The following ATL1 variants were observed in gnomAD, a reference collection of about 807,000 sequenced individuals.
The protein encoded by ATL1 is atlastin-1.
A neutral mutation model predicts 75.5 loss-of-function variants in ATL1; 31 were observed. The ratio of observed to expected loss-of-function variants is 0.41; its 90% CI spans 0.31 to 0.55. The LOEUF (loss-of-function observed/expected upper bound fraction) is 0.55. ATL1 is among the 20% of genes least tolerant of loss of function. The pLI is 0.27. For synonymous variants in ATL1, 226 were observed against 233.3 expected, an observed-to-expected ratio of 0.97 and a Z score of 0.28; for missense variants, 405 against 662.6, an observed-to-expected ratio of 0.61 and a Z score of 4.27.
chr14:50,608,047 AT>A (rs1211327356), intron 6 of ATL1, among the ~76,000 whole-genome samples: 3 of 152,092 alleles, frequency 2.0e-5, no homozygotes, highest in Non-Finnish European at 2.9e-5. Flanking sequence ...TTAGATGATT[AT>A]TTCATTTGTA....
intron 1 of ATL1, among the ~76,000 whole-genome samples, chr14:50,586,900 C>T (rs142103580): frequency 1.6e-3 from 239 of 152,072 alleles, no homozygotes; most frequent in Admixed American, 3.3e-3. Flanking sequence ...TAATAAATAC[C>T]GTACTGGAAC....
chr14:50,627,944 AAACTC>A (rs2039537214), intron 11 of ATL1, 82 bp from the exon 12 acceptor site: 2 of 1,294,154 alleles, frequency 1.5e-6, no homozygotes, highest in African/African-American at 1.5e-5. Flanking sequence ...GTATTCTAAC[AAACTC>A]AACTAGCTAA....
intron 10 of ATL1, among the ~76,000 whole-genome samples, chr14:50,622,908 C>T (rs1192675951): frequency 6.6e-6 from 1 of 151,952 alleles, no homozygotes; most frequent in African/African-American, 2.4e-5. Context: ...TAATGGCAGG[C>T]TAAAAAATAT....
intron 11 of ATL1, 106 bp from the exon 12 acceptor site, chr14:50,627,925 A>T: frequency 5.7e-6 from 6 of 1,052,362 alleles, no homozygotes; most frequent in Non-Finnish European, 8.6e-6. Flanking sequence ...CAGGCTCCTG[A>T]TTATTAACGT....
rs1205011158 is a variant in ATL1, at chr14:50,632,110, TAAA to T, written c.1567-115_1567-113del. 11 of 620,144 alleles carry T rather than the reference TAAA, an allele frequency of 1.8e-5. No homozygotes were observed. The Middle Eastern group carries it at 1.8e-3, about 99-fold the overall frequency. The allele number at this position is 620,144 out of a possible 1,614,324, so 38.4% of individuals were successfully genotyped here. A position where few individuals can be genotyped will look rare whatever the true frequency, so the allele number is the denominator to read the frequency against. On this transcript the variant is annotated intron_variant, in intron 13 of 13. Transcript: ENST00000358385. The stretch of plus-strand genomic sequence containing the variant: ...TTAAGATAATAATTTATATATCGAT[TAAA>T]AAAGATTTCAAATTCAACATGCTAA...
chr14:50,551,037 G>C (rs1298289667), intron 1 of ATL1, among the ~76,000 whole-genome samples: 2 of 151,788 alleles, frequency 1.3e-5, no homozygotes, highest in Non-Finnish European at 2.9e-5. Flanking sequence ...GATCACAGCA[G>C]AAACTAAATG....
At chr14:50,547,894 A>G (rs2038653745) in intron 1 of ATL1, among the ~76,000 whole-genome samples, 2 of 152,206 alleles carry the variant, frequency 1.3e-5, no homozygotes, top group African/African-American at 4.8e-5. Context: ...TACCAAAAGG[A>G]TACCTGCACA....
chr14:50,583,160 T>C (rs2039072737), intron 1 of ATL1, among the ~76,000 whole-genome samples: 2 of 152,180 alleles, frequency 1.3e-5, no homozygotes, highest in Non-Finnish European at 2.9e-5. Context: ...AATCAGGAAG[T>C]TATGCCTACT....
In ATL1 at chr14:50,560,171, C is replaced by A; in HGVS notation, c.-95C>A. The A allele has an allele frequency of 6.8e-7, 1 of 1,470,694 alleles. No individual in the cohort carries two copies. Among genetic ancestry groups the A allele is most frequent in the South Asian group, 1.2e-5 (1 of 84,920 alleles). 91.1% of individuals were successfully genotyped at this position (1,470,694 alleles called of 1,614,324 possible). A position where few individuals can be genotyped will look rare whatever the true frequency, so the allele number is the denominator to read the frequency against. On this transcript the variant is annotated 5_prime_UTR_variant, in exon 1 of 14. Transcript: ENST00000358385. ...GAGTCTGAGCGAACTGCGCCCAGCGCGGGCACGGAGCCTCCCACCGCCAGC... is the reference window on the plus strand; with the variant it reads ...GAGTCTGAGCGAACTGCGCCCAGCGAGGGCACGGAGCCTCCCACCGCCAGC...
chr14:50,607,284 A>G (rs1170531634), intron 6 of ATL1, among the ~76,000 whole-genome samples: 5 of 152,104 alleles, frequency 3.3e-5, no homozygotes, highest in African/African-American at 1.2e-4. Context: ...ACTTAAAAAA[A>G]CAAAGCTAAA....
intron 2 of ATL1, 41 bp downstream of exon 2, chr14:50,588,119 C>A: frequency 6.2e-7 from 1 of 1,611,414 alleles, no homozygotes. Flanking sequence ...TTCTTCTGTG[C>A]TTCTGTCACT....
intron 8 of ATL1, among the ~76,000 whole-genome samples, chr14:50,618,894 T>A (rs2018784): frequency 7.7e-6 from 1 of 129,350 alleles, no homozygotes; most frequent in South Asian, 2.6e-4. Context: ...TATATATATT[T>A]TTTTTTCTTT....
At chr14:50,600,690 T>C (rs2039263763) in intron 6 of ATL1, among the ~76,000 whole-genome samples, 1 of 152,196 alleles carries the variant, frequency 6.6e-6, no homozygotes, top group African/African-American at 2.4e-5. Flanking sequence ...ACTTCTATCC[T>C]CTTCTCTCTG....
chr14:50,546,365 G>GGTGTGT (rs143447484), intron 1 of ATL1, among the ~76,000 whole-genome samples: 3 of 150,756 alleles, frequency 2.0e-5, no homozygotes, highest in African/African-American at 4.9e-5. Flanking sequence ...AAAGGTACTG[G>GGTGTGT]GTGTGTGTGT....
rs75918787 is a variant in ATL1 at position 50,608,810 on chromosome 14, T to C, written c.631-4449T>C. 5.6e-3 allele frequency among the ~76,000 whole-genome samples: 852 copies of C among 152,134 alleles called. 3 individuals carry two copies. The highest frequency in any genetic ancestry group is 0.02 in the African/African-American group (821 of 41,500). Reference sequence around the variant, plus strand: ...TCCCAGCTAACATCTATTTTCAAAATACATGTTTTAGCAAGAAATGTTCAA... The same window carrying C: ...TCCCAGCTAACATCTATTTTCAAAACACATGTTTTAGCAAGAAATGTTCAA... On this transcript the variant is annotated intron_variant, in intron 6 of 13. Transcript: ENST00000358385.
exon 1 of ATL1, chr14:50,533,112 C>A (rs145962477): frequency 6.6e-6 from 1 of 152,438 alleles, no homozygotes; most frequent in Non-Finnish European, 1.5e-5. Context: ...ACCTGCACAA[C>A]CTGCCTTCTA....
intron 1 of ATL1, among the ~76,000 whole-genome samples, chr14:50,543,914 A>G (rs1489084667): frequency 6.6e-6 from 1 of 152,186 alleles, no homozygotes; most frequent in East Asian, 1.9e-4. Flanking sequence ...CATGGTCACA[A>G]TTCTATTTAA....
intron 1 of ATL1, among the ~76,000 whole-genome samples, chr14:50,584,039 C>G (rs1222961749): frequency 6.6e-6 from 1 of 152,176 alleles, no homozygotes; most frequent in Non-Finnish European, 1.5e-5. Context: ...CAAATAACAA[C>G]TTCTGATGGA....
intron 6 of ATL1, among the ~76,000 whole-genome samples, chr14:50,596,796 A>C (rs376758506): frequency 2.6e-5 from 4 of 152,256 alleles, no homozygotes; most frequent in African/African-American, 9.6e-5. Context: ...GAAAGAAAAC[A>C]CACATATTGA....
Sources: allele counts gnomAD v4.1 joint callset (sites outside exome capture counted in the v4.1 genomes callset), GRCh38; gene constraint gnomAD v4.1.1; transcripts MANE v1.5; gene names NCBI Gene and HGNC (gene_info 2026-07-23, HGNC 2026-07-21).